GAP43: variants seen among roughly 807,000 people sequenced by gnomAD.
GAP43 encodes neuromodulin.
A neutral mutation model predicts 18.6 loss-of-function variants in GAP43; 6 were observed. The ratio of observed to expected loss-of-function variants is 0.32; its 90% confidence interval spans 0.18 to 0.64. The LOEUF (loss-of-function observed/expected upper bound fraction) is 0.64. GAP43 is among the 30% of genes least tolerant of loss of function. The pLI, the probability that GAP43 is intolerant of heterozygous loss-of-function variation, is 0.78. For missense variants in GAP43, 292 were observed against 295.5 expected (o/e 0.99, Z 0.09); for synonymous variants, 115 against 111.4 (o/e 1.03, Z -0.20).
intron 2 of GAP43, among the ~76,000 whole-genome samples, chr3:115,689,901 T>C (rs373144842): frequency 6.6e-6 from 1 of 151,730 alleles, no homozygotes; most frequent in African/African-American, 2.4e-5. Context: ...GAAGGAATAA[T>C]AGGCGAGAAA....
intron 1 of GAP43, among the ~76,000 whole-genome samples, chr3:115,630,961 A>G (rs957221979): frequency 2.6e-5 from 4 of 152,204 alleles, no homozygotes; most frequent in South Asian, 2.1e-4. Flanking sequence ...GAGCATCATG[A>G]TGGGTCATTA....
In GAP43 at chr3:115,720,829, C is replaced by G; in HGVS notation, c.664C>G (p.Arg222Gly). Residue 222 changes from arginine (R) to glycine (G), a missense_variant, in exon 3 of 3, where the codon CGG becomes GGG. Transcript: ENST00000305124. ...TGAAACCAAACCTAAGGAAAGTGCC[C>G]GGCAGGACGAGGGTAAAGAAGAGGA... ...VDETKPKESA[R>G]QDEGKEEEPE... is the part of the protein sequence containing the mutation. The G allele has an allele frequency of 6.2e-7, 1 of 1,612,830 alleles. No individual in the cohort carries two copies. The highest frequency in any genetic ancestry group is 1.7e-5 in the Admixed American group (1 of 59,932).
In GAP43 at chr3:115,623,681, G is replaced by A. The variant is rs1198796093; in HGVS notation, c.-9G>A. The A allele has an allele frequency of 6.2e-7, 1 of 1,614,162 alleles. No homozygotes were observed. Among genetic ancestry groups the A allele is most frequent in the Admixed American group, 1.7e-5 (1 of 60,020 alleles). On this transcript the variant is annotated 5_prime_UTR_variant, in exon 1 of 3. Coordinates refer to ENST00000305124, the MANE Select transcript of GAP43 (RefSeq NM_002045.4). ...AGAAGGCAGGAAGAAGGCAAGGGAC[G>A]AGACAACCATGCTGTGCTGTATGAG...
Position 115,676,608 on chromosome 3 carries a change from T to A in GAP43, c.626T>A (p.Ile209Lys). The A allele has an allele frequency of 6.3e-7, 1 of 1,583,172 alleles. No homozygotes were observed. Among genetic ancestry groups the A allele is most frequent in the Non-Finnish European group, 8.6e-7 (1 of 1,167,212 alleles). ...GAGAGCAGCCAAGCTGAAGAGAACA[T>A]AGGTGAGCAACCGCGAGGGTCAGAT... ...TGESSQAEEN[I>K]EAVDETKPKE... Residue 209 changes from isoleucine to lysine, a missense_variant and splice_region_variant, in exon 2 of 3, where the codon ATA (isoleucine) becomes AAA (lysine). Physicochemically the swap from Ile to Lys is moderately radical, Grantham distance 102. Coordinates refer to ENST00000305124, the MANE Select transcript of GAP43 (RefSeq NM_002045.4).
chr3:115,675,162 C>T lies in GAP43; in HGVS notation c.31-851C>T, dbSNP rs28399388. 4.5e-3 allele frequency among the ~76,000 whole-genome samples: 692 copies of T among 152,262 alleles called. 17 individuals carry two copies. Among genetic ancestry groups the T allele is most frequent in the Admixed American group, 0.037 (569 of 15,288 alleles). On this transcript the variant is annotated intron_variant, in intron 1 of 2. Transcript: ENST00000305124. ...CAACAGCTCACTGCAGCCTCGACCT[C>T]GCAGGCTCAAGTAAGCCTCCTTCCT...
At chr3:115,716,897 AT>A (rs1709516272) in intron 2 of GAP43, among the ~76,000 whole-genome samples, 1 of 151,026 alleles carries the variant, frequency 6.6e-6, no homozygotes, top group African/African-American at 2.4e-5. Context: ...GGAGCCAACA[AT>A]TTTTTAATCT....
intron 1 of GAP43, among the ~76,000 whole-genome samples, chr3:115,637,837 A>G (rs2107468618): frequency 6.6e-6 from 1 of 152,164 alleles, no homozygotes; most frequent in Non-Finnish European, 1.5e-5. Flanking sequence ...TTATCCAGTC[A>G]TGTAATTCAG....
At chr3:115,691,941 T>C (rs1011497018) in intron 2 of GAP43, among the ~76,000 whole-genome samples, 9 of 152,186 alleles carry the variant, frequency 5.9e-5, no homozygotes, top group Non-Finnish European at 1.0e-4. Flanking sequence ...AGCTATAACT[T>C]GTCACATCTT....
At position 115,642,699 on chromosome 3, in the gene GAP43, A is replaced by G. The variant is rs150548124; in HGVS notation, c.30+18980A>G. Among the ~76,000 whole-genome samples, 304 of 152,186 alleles carry G rather than the reference A, an allele frequency of 2.0e-3. 1 individual carries two copies. Among genetic ancestry groups the G allele is most frequent in the Middle Eastern group, 0.014 (4 of 294 alleles). ...TAAAGACTTAAGTACCACAACTCCAAAAGATTTTTAAGAATTAAATGTTAA... is the reference window on the plus strand; with the variant it reads ...TAAAGACTTAAGTACCACAACTCCAGAAGATTTTTAAGAATTAAATGTTAA... On this transcript the variant is annotated intron_variant, in intron 1 of 2. Coordinates refer to ENST00000305124, the MANE Select transcript of GAP43 (RefSeq NM_002045.4).
chr3:115,680,040 TA>T (rs1280100954), intron 2 of GAP43, among the ~76,000 whole-genome samples: 2 of 152,230 alleles, frequency 1.3e-5, no homozygotes, highest in Non-Finnish European at 2.9e-5. Context: ...TCCTCTTTTT[TA>T]TCCTTCCTTC....
intron 1 of GAP43, among the ~76,000 whole-genome samples, chr3:115,656,722 A>C (rs756110535): frequency 5.9e-5 from 9 of 152,202 alleles, no homozygotes; most frequent in Admixed American, 1.3e-4. Context: ...CCTAGTAAAA[A>C]ATGGATTGTA....
rs368478714 is a variant in GAP43, at chr3:115,674,310, A to G, written c.31-1703A>G. Among the ~76,000 whole-genome samples the G allele has an allele frequency of 8.5e-5, 13 of 152,336 alleles. No homozygotes were observed. The East Asian group carries it at 1.4e-3, about 16-fold the overall frequency. On this transcript the variant is annotated intron_variant, in intron 1 of 2. Transcript: ENST00000305124. ...AAAAGTTCAATGCTCAAGTTAAAGA[A>G]ATCTAAGAATGGAGACTATCAGTAG...
chr3:115,714,259 C>T (rs1268448325), intron 2 of GAP43, among the ~76,000 whole-genome samples: 1 of 152,200 alleles, frequency 6.6e-6, no homozygotes, highest in Non-Finnish European at 1.5e-5. Context: ...TATGAATTTA[C>T]TTTCTATGAT....
chr3:115,690,167 T>G (rs1319126305), intron 2 of GAP43, among the ~76,000 whole-genome samples: 1 of 152,186 alleles, frequency 6.6e-6, no homozygotes, highest in African/African-American at 2.4e-5. Flanking sequence ...GGATTTTCTG[T>G]CTTTGAGCAG....
chr3:115,623,548 G>C lies in GAP43; in HGVS notation c.-142G>C, dbSNP rs548690229. The stretch of plus-strand genomic sequence containing the variant: ...ACTGCCCTGGTGTGTGTGAGGGAGA[G>C]AGAGGGAGGGAGGGAGAGAGAGCGC... On this transcript the variant is annotated 5_prime_UTR_variant, in exon 1 of 3. Coordinates refer to ENST00000305124, the MANE Select transcript of GAP43 (RefSeq NM_002045.4). 1.3e-3 allele frequency: 1,311 copies of C among 996,494 alleles called. 8 individuals are homozygous for C. Among genetic ancestry groups the C allele is most frequent in the Admixed American group, 3.2e-3 (158 of 49,096 alleles). The allele number at this position is 996,494 out of a possible 1,614,324, so 61.7% of individuals were successfully genotyped here. A position where few individuals can be genotyped will look rare whatever the true frequency, so the allele number is the denominator to read the frequency against.
chr3:115,698,273 T>TAATATATAA (rs370997445), intron 2 of GAP43, among the ~76,000 whole-genome samples: 6 of 10,360 alleles, frequency 5.8e-4, no homozygotes, highest in African/African-American at 7.1e-4. Context: ...AAAATATATA[T>TAATATATAA]TATATATAAA....
intron 2 of GAP43, among the ~76,000 whole-genome samples, chr3:115,712,144 T>A (rs962933754): frequency 1.3e-5 from 2 of 152,198 alleles, no homozygotes; most frequent in Non-Finnish European, 2.9e-5. Flanking sequence ...TTTAAAAAAA[T>A]ATCTCTGGGT....
intron 1 of GAP43, among the ~76,000 whole-genome samples, chr3:115,624,081 TTTC>T (rs1708152097): frequency 9.0e-6 from 1 of 111,650 alleles, no homozygotes; most frequent in Non-Finnish European, 1.8e-5. Flanking sequence ...TGGGGAGGCA[TTTC>T]TTTATATTAT....
chr3:115,640,361 G>A (rs899005342), intron 1 of GAP43, among the ~76,000 whole-genome samples: 2 of 152,040 alleles, frequency 1.3e-5, no homozygotes, highest in African/African-American at 4.8e-5. Flanking sequence ...ACATTGATTT[G>A]GTGGGATATG....
Sources: allele counts gnomAD v4.1 joint callset (sites outside exome capture counted in the v4.1 genomes callset), GRCh38; gene constraint gnomAD v4.1.1; transcripts MANE v1.5; gene names NCBI Gene and HGNC (gene_info 2026-07-23, HGNC 2026-07-21).